FBXO40: variants seen among roughly 807,000 people sequenced by gnomAD.
FBXO40 encodes the protein F-box protein 40.
FBXO40 carries 50 observed loss-of-function variants against 49.9 expected under a neutral mutation model. That is an observed-to-expected ratio of 1.00 (90% CI 0.80 to 1.27). The LOEUF (loss-of-function observed/expected upper bound fraction) is 1.27. Ranked by LOEUF, FBXO40 falls within the 50% of genes most tolerant of loss-of-function variation. The pLI is 0.00. For synonymous variants in FBXO40, 340 were observed against 320.2 expected, an observed-to-expected ratio of 1.06 and a Z score of -0.66; for missense variants, 895 against 870.1, an observed-to-expected ratio of 1.03 and a Z score of -0.36.
intron 1 of FBXO40, among the ~76,000 whole-genome samples, chr3:121,602,788 T>C (rs1484364265): frequency 1.3e-5 from 2 of 152,218 alleles, no homozygotes; most frequent in East Asian, 3.8e-4. Context: ...CTCTTTTTTT[T>C]TTTCCAAAAG....
At position 121,622,162 on chromosome 3, in the gene FBXO40, G is replaced by T; in HGVS notation, c.733G>T (p.Asp245Tyr). Residue 245 changes from aspartate to tyrosine, a missense_variant, in exon 3 of 4, where the codon GAC (aspartate) becomes TAC (tyrosine). Transcript: ENST00000338040. ...SASCESKNKNDSEKEQISSGH... is the reference protein window; with the variant it reads ...SASCESKNKNYSEKEQISSGH... Reference sequence around the variant, plus strand: ...GAGCTGTGAGAGCAAGAACAAGAATGACTCCGAGAAAGAACAGATTTCCAG... The same window carrying T: ...GAGCTGTGAGAGCAAGAACAAGAATTACTCCGAGAAAGAACAGATTTCCAG... 1 of 1,614,110 alleles carries T rather than the reference G, an allele frequency of 6.2e-7. No homozygotes were observed. Among genetic ancestry groups the T allele is most frequent in the South Asian group, 1.1e-5 (1 of 91,032 alleles).
At chr3:121,626,024 T>TA (rs1169765564) in intron 3 of FBXO40, among the ~76,000 whole-genome samples, 2 of 152,216 alleles carry the variant, frequency 1.3e-5, no homozygotes, top group Non-Finnish European at 2.9e-5. Flanking sequence ...GTGAGACTCT[T>TA]ATGAGTTACA....
At position 121,622,223 on chromosome 3, in the gene FBXO40, AAAAG is replaced by A. The variant is rs1560132604; in HGVS notation, c.801_804del (p.Lys267AsnfsTer31). ...ATGGTAGAAGGAGAGGGCGCTCCCA[AAAAG>A]AAAGAACCACAGGAAAATCAGAAGC... On this transcript the variant is annotated frameshift_variant, in exon 3 of 4. Coordinates refer to ENST00000338040, the MANE Select transcript of FBXO40 (RefSeq NM_016298.4). LOFTEE classifies it high-confidence loss of function. The A allele has an allele frequency of 1.9e-6, 3 of 1,614,108 alleles. No homozygotes were observed. Among genetic ancestry groups the A allele is most frequent in the South Asian group, 1.1e-5 (1 of 90,994 alleles).
rs574478751 is a variant in FBXO40 at position 121,619,560 on chromosome 3, C to T, written c.-30-986C>T. Among the ~76,000 whole-genome samples the T allele has an allele frequency of 8.9e-4, 135 of 152,086 alleles. 1 individual carries two copies. Among genetic ancestry groups the T allele is most frequent in the Non-Finnish European group, 1.7e-3 (113 of 68,024 alleles). ...ATATATTATGTAGTAAAATATTTTG[C>T]ATTGTGATGAAATATAAAATACTAC... On this transcript the variant is annotated intron_variant, in intron 1 of 3. Transcript: ENST00000338040.
chr3:121,596,784 A>G (rs1212501968), intron 1 of FBXO40, among the ~76,000 whole-genome samples: 1 of 152,062 alleles, frequency 6.6e-6, no homozygotes, highest in Non-Finnish European at 1.5e-5. Context: ...TAAAAAAAAA[A>G]GCAGCCCCAA....
chr3:121,605,246 T>G (rs1476264296), intron 1 of FBXO40, among the ~76,000 whole-genome samples: 2 of 152,126 alleles, frequency 1.3e-5, no homozygotes, highest in African/African-American at 4.8e-5. Flanking sequence ...TGGCTGGCTT[T>G]TTTAAATAGT....
intron 1 of FBXO40, among the ~76,000 whole-genome samples, chr3:121,598,635 T>C (rs1477689480): frequency 1.3e-5 from 2 of 152,186 alleles, no homozygotes; most frequent in African/African-American, 4.8e-5. Flanking sequence ...CCCATTGCAC[T>C]ACACCGGGTG....
chr3:121,600,660 A>G lies in FBXO40; in HGVS notation c.-31+7158A>G, dbSNP rs189043427. On this transcript the variant is annotated intron_variant, in intron 1 of 3. Transcript: ENST00000338040. Reference sequence around the variant, plus strand: ...GTGTCTCCATGGGCCTTTGAGGGCCAAGTGTGATGTAGCAAAGAGTATAGA... The same window carrying G: ...GTGTCTCCATGGGCCTTTGAGGGCCGAGTGTGATGTAGCAAAGAGTATAGA... Among the ~76,000 whole-genome samples the G allele has an allele frequency of 3.0e-3, 453 of 152,324 alleles. 1 individual carries two copies. The highest frequency in any genetic ancestry group is 0.01 in the African/African-American group (430 of 41,564).
At chr3:121,620,648 C>G in intron 2 of FBXO40, 70 bp downstream of exon 2, 1 of 1,585,520 alleles carries the variant, frequency 6.3e-7, no homozygotes, top group South Asian at 1.1e-5. Context: ...ATCCTGTAGC[C>G]CAAGCAGCTA....
chr3:121,627,134 C>G lies in FBXO40; in HGVS notation c.*224C>G. 1 of 520,494 alleles carries G rather than the reference C, an allele frequency of 1.9e-6. No homozygotes were observed. The highest frequency in any genetic ancestry group is 3.2e-5 in the East Asian group (1 of 30,964). The allele number at this position is 520,494 out of a possible 1,614,324, so 32.2% of individuals were successfully genotyped here. A position where few individuals can be genotyped will look rare whatever the true frequency, so the allele number is the denominator to read the frequency against. ...ACATTGATGACTTGTTTCCTTTTTT[C>G]TTTTCTTTTCTTTTCTTTTTTCTTT... On this transcript the variant is annotated 3_prime_UTR_variant, in exon 4 of 4. Transcript: ENST00000338040.
chr3:121,620,324 C>T (rs370953597), intron 1 of FBXO40, among the ~76,000 whole-genome samples: 54 of 152,298 alleles, frequency 3.5e-4, no homozygotes, highest in African/African-American at 1.3e-3. Context: ...CCAGCATGGC[C>T]TGGATTACAA....
intron 1 of FBXO40, among the ~76,000 whole-genome samples, chr3:121,607,363 G>A (rs2048937661): frequency 8.3e-6 from 1 of 120,418 alleles, no homozygotes; most frequent in Admixed American, 9.6e-5. Context: ...AGACTGGAGT[G>A]CAGTGGCACG....
chr3:121,608,676 G>A (rs1300101520), intron 1 of FBXO40, among the ~76,000 whole-genome samples: 1 of 152,090 alleles, frequency 6.6e-6, no homozygotes, highest in East Asian at 1.9e-4. Flanking sequence ...TTGGTGTGTG[G>A]TCAAAACCTC....
At chr3:121,617,970 G>C (rs2108849837) in intron 1 of FBXO40, among the ~76,000 whole-genome samples, 1 of 152,264 alleles carries the variant, frequency 6.6e-6, no homozygotes, top group East Asian at 1.9e-4. Context: ...CTGCACTCCA[G>C]GCTGGGCAAC....
chr3:121,628,601 T>C lies in FBXO40; in HGVS notation c.*1691T>C, dbSNP rs1054207499. The C allele has an allele frequency of 6.6e-6, 1 of 152,204 alleles. No homozygotes were observed. Among genetic ancestry groups the C allele is most frequent in the Non-Finnish European group, 1.5e-5 (1 of 68,032 alleles). The allele number at this position is 152,204 out of a possible 1,614,324, so 9.4% of individuals were successfully genotyped here. On this transcript the variant is annotated 3_prime_UTR_variant, in exon 4 of 4. Coordinates refer to ENST00000338040, the MANE Select transcript of FBXO40 (RefSeq NM_016298.4). Reference sequence around the variant, plus strand: ...AAATGTCACCAGACATTGCTAAATATTGGGGAGCAAAATGGCTCCCCGTTG... The same window carrying C: ...AAATGTCACCAGACATTGCTAAATACTGGGGAGCAAAATGGCTCCCCGTTG...
intron 1 of FBXO40, among the ~76,000 whole-genome samples, chr3:121,607,560 C>T (rs1017729289): frequency 2.8e-4 from 42 of 151,966 alleles, no homozygotes; most frequent in Non-Finnish European, 5.4e-4. Context: ...CCGCCCACCT[C>T]GGCCTCCCAA....
chr3:121,597,854 G>C (rs1274027317), intron 1 of FBXO40, among the ~76,000 whole-genome samples: 1 of 151,852 alleles, frequency 6.6e-6, no homozygotes, highest in Non-Finnish European at 1.5e-5. Flanking sequence ...GTAGAGACAG[G>C]GTTTCTCCAT....
intron 1 of FBXO40, among the ~76,000 whole-genome samples, chr3:121,598,798 G>A (rs1351902461): frequency 6.6e-6 from 1 of 152,164 alleles, no homozygotes; most frequent in African/African-American, 2.4e-5. Context: ...TTACAGGCAT[G>A]AGCCACTGAA....
At chr3:121,619,368 A>G (rs2049017130) in intron 1 of FBXO40, among the ~76,000 whole-genome samples, 1 of 152,046 alleles carries the variant, frequency 6.6e-6, no homozygotes, top group African/African-American at 2.4e-5. Context: ...TCCATCACAG[A>G]CTAACACTGT....
Sources: gnomAD v4.1 joint callset for allele counts (sites outside exome capture counted in the v4.1 genomes callset) on GRCh38, gnomAD v4.1.1 for gene constraint, MANE v1.5 for transcripts, NCBI Gene and HGNC (gene_info 2026-07-23, HGNC 2026-07-21) for gene names.